The following PLTP variants were observed in gnomAD, a reference collection of about 807,000 sequenced individuals.
PLTP encodes BPI fold containing family E.
PLTP carries 43 observed loss-of-function variants against 54.1 expected under a neutral mutation model. That is an observed-to-expected ratio of 0.79 (90% CI 0.62 to 1.02). The LOEUF is 1.02. Among genes scored for constraint, PLTP ranks in the 50% least tolerant of loss-of-function variants. PLTP has a pLI of 0.00. For synonymous variants in PLTP, 263 were observed against 264.6 expected, an observed-to-expected ratio of 0.99 and a Z score of 0.06; for missense variants, 604 against 645.9, an observed-to-expected ratio of 0.94 and a Z score of 0.70.
At chr20:45,909,464 G>A in intron 5 of PLTP, 52 bp downstream of exon 5, 1 of 1,603,316 alleles carries the variant, frequency 6.2e-7, no homozygotes, top group South Asian at 1.1e-5. Context: ...GCGCTAGGCA[G>A]ATGAGCTGTG....
At chr20:45,899,900 T>G (rs1208445497) in intron 12 of PLTP, 22 bp from the exon 13 acceptor site, 2 of 1,464,122 alleles carry the variant, frequency 1.4e-6, no homozygotes, top group East Asian at 3.0e-5. Context: ...AAAGGAGCCC[T>G]GTGGGCAGGA....
In PLTP at chr20:45,899,679, G is replaced by T. The variant is rs1455944943; in HGVS notation, c.1225C>A (p.Pro409Thr). ...HSALESLALI[P>T]LQAPLKTMLQ... ...ATGGTCTTCAGAGGGGCCTGTAATG[G>T]GATCAGCTGGGAGGGGCGAGGGCGG... Residue 409 changes from proline (P) to threonine (T), a missense_variant, in exon 14 of 16, where the codon CCA becomes ACA. Physicochemically the swap from Pro to Thr is conservative, Grantham distance 38. Transcript: ENST00000372431. The T allele has an allele frequency of 2.5e-6, 4 of 1,614,048 alleles. No homozygotes were observed. In the African/African-American group the frequency reaches 4.0e-5, roughly 16 times the overall value.
In PLTP at chr20:45,899,532, G is replaced by T; in HGVS notation, c.1289C>A (p.Thr430Asn). Residue 430 changes from threonine to asparagine, a missense_variant, in exon 15 of 16, where the codon ACC becomes AAC. Physicochemically the swap from Thr to Asn is moderately conservative, Grantham distance 65 (BLOSUM62 0). Transcript: ENST00000372431. ...IGVMPMLNERTWRGVQIPLPE... is the reference protein window; with the variant it reads ...IGVMPMLNERNWRGVQIPLPE... ...TAGTGGGATCTGCACCCCACGCCAGGTCCGCTCTGTGGGTGGGAGCACCCC... is the reference window on the plus strand; with the variant it reads ...TAGTGGGATCTGCACCCCACGCCAGTTCCGCTCTGTGGGTGGGAGCACCCC... 2 of 1,614,152 alleles carry T rather than the reference G, an allele frequency of 1.2e-6. No individual in the cohort carries two copies. The highest frequency in any genetic ancestry group is 8.5e-7 in the Non-Finnish European group (1 of 1,180,022).
chr20:45,904,367 CAGG>C (rs1290279671), intron 10 of PLTP, among the ~76,000 whole-genome samples: 1 of 152,024 alleles, frequency 6.6e-6, no homozygotes, highest in East Asian at 1.9e-4. Flanking sequence ...GAGGCTGAAG[CAGG>C]AGGATGGCTT....
chr20:45,904,040 G>A (rs930106927), intron 10 of PLTP, among the ~76,000 whole-genome samples: 1 of 152,170 alleles, frequency 6.6e-6, no homozygotes, highest in Non-Finnish European at 1.5e-5. Context: ...GCACAGATAG[G>A]TTAAGTAACT....
chr20:45,902,327 CG>C lies in PLTP; in HGVS notation c.1114del (p.Arg372ValfsTer36). The C allele has an allele frequency of 6.2e-7, 1 of 1,614,176 alleles. No homozygotes were observed. Among genetic ancestry groups the C allele is most frequent in the South Asian group, 1.1e-5 (1 of 91,090 alleles). ...CCGGAGAGCCATCTTGGCGCTGAGA[CG>C]GGCGTCCTGCAGGAACATGGGGAGG... is the stretch of plus-strand genomic sequence containing the variant. ...VQLSSMTMDARLSAKMALRGK... is the reference protein window; with the variant it reads ...VQLSSMTMDAXLSAKMALRGK... On this transcript the variant is annotated frameshift_variant, in exon 12 of 16. Coordinates refer to ENST00000372431, the MANE Select transcript of PLTP (RefSeq NM_006227.4). LOFTEE classifies it high-confidence loss of function.
At chr20:45,909,903 G>A (rs1392241459) in intron 4 of PLTP, 39 bp downstream of exon 4, 6 of 1,612,438 alleles carry the variant, frequency 3.7e-6, no homozygotes, top group Non-Finnish European at 5.1e-6. Context: ...CAGCCCTCCT[G>A]ACCCACTCTC....
chr20:45,904,274 A>G (rs1245067627), intron 10 of PLTP, among the ~76,000 whole-genome samples: 1 of 152,168 alleles, frequency 6.6e-6, no homozygotes, highest in Non-Finnish European at 1.5e-5. Context: ...GGACAGCCTG[A>G]GCAACATAAT....
At position 45,906,342 on chromosome 20, in the gene PLTP, C is replaced by G. The variant is rs370983158; in HGVS notation, c.631G>C (p.Glu211Gln). The change falls in exon 8 of 16, where the codon GAG becomes CAG. Residue 211 changes from glutamate (E) to glutamine (Q), a missense_variant. By Grantham distance (29) the Glu-to-Gln change is conservative (BLOSUM62 2). Coordinates refer to ENST00000372431, the MANE Select transcript of PLTP (RefSeq NM_006227.4). ...DTVPVRSSVDELVGIDYSLMK... is the reference protein window; with the variant it reads ...DTVPVRSSVDQLVGIDYSLMK... The stretch of plus-strand genomic sequence containing the variant: ...AGGGAATAGTCAATGCCAACAAGCT[C>G]GTCCACAGAACTGCGCACTGCAGGA... 1.1e-4 allele frequency: 180 copies of G among 1,613,640 alleles called. No individual in the cohort carries two copies. Among genetic ancestry groups the G allele is most frequent in the Non-Finnish European group, 1.5e-4 (179 of 1,179,830 alleles).
intron 3 of PLTP, chr20:45,910,889 C>G (rs1428340806): frequency 7.3e-7 from 1 of 1,372,578 alleles, no homozygotes; most frequent in Admixed American, 3.0e-5. Flanking sequence ...TGTTCTTCGA[C>G]CACGCCTCAC....
Position 45,899,867 on chromosome 20 carries a change from T to G in PLTP, c.1187A>C (p.Tyr396Ser). ...CGACTCCAGTGCAGAATGGTTGGAATAGATTCGGAACCTGCGGGAAAGAAA... is the reference window on the plus strand; with the variant it reads ...CGACTCCAGTGCAGAATGGTTGGAAGAGATTCGGAACCTGCGGGAAAGAAA... The part of the protein sequence containing the change: ...TQLDLRRFRI[Y>S]SNHSALESLA... Residue 396 changes from tyrosine (Y) to serine (S), a missense_variant, in exon 13 of 16, where the codon TAT becomes TCT. Transcript: ENST00000372431. 2 of 1,494,302 alleles carry G rather than the reference T, an allele frequency of 1.3e-6. No homozygotes were observed. Among genetic ancestry groups the G allele is most frequent in the Non-Finnish European group, 8.9e-7 (1 of 1,125,888 alleles). 92.6% of individuals were successfully genotyped at this position (1,494,302 alleles called of 1,614,324 possible). A position where few individuals can be genotyped will look rare whatever the true frequency, so the allele number is the denominator to read the frequency against.
At chr20:45,899,751 G>A (rs2083160762) in intron 13 of PLTP, 66 bp from the exon 14 acceptor site, 1 of 1,607,366 alleles carries the variant, frequency 6.2e-7, no homozygotes, top group South Asian at 1.1e-5. Flanking sequence ...GCTGCCCGCA[G>A]GTGAGCAGTT....
chr20:45,907,962 C>T, intron 5 of PLTP, 58 bp from the exon 6 acceptor site: 7 of 1,447,328 alleles, frequency 4.8e-6, no homozygotes, highest in Non-Finnish European at 6.6e-6. Context: ...CAGTCCAGGT[C>T]CAGGAGAAAT....
intron 12 of PLTP, among the ~76,000 whole-genome samples, chr20:45,900,554 C>T (rs969240725): frequency 1.3e-5 from 2 of 151,772 alleles, no homozygotes; most frequent in South Asian, 2.1e-4. Flanking sequence ...TTTGAGACAG[C>T]GTCTCACTGT....
intron 15 of PLTP, 142 bp downstream of exon 15, chr20:45,899,320 G>T (rs944538396): frequency 2.2e-5 from 21 of 958,184 alleles, no homozygotes; most frequent in Non-Finnish European, 2.9e-5. Flanking sequence ...GTCACAGTGT[G>T]TGCAACGGCT....
In PLTP at chr20:45,898,795, G is replaced by C; in HGVS notation, c.*146C>G. 1.1e-6 allele frequency: 1 copy of C among 927,442 alleles called. No homozygotes were observed. Among genetic ancestry groups the C allele is most frequent in the Non-Finnish European group, 1.6e-6 (1 of 622,488 alleles). 57.5% of individuals were successfully genotyped at this position (927,442 alleles called of 1,614,324 possible). ...GGACTGTAATTGATAGATTGATTAT[G>C]GAATTAAATTGGGTACAGCTTCAAA... On this transcript the variant is annotated 3_prime_UTR_variant, in exon 16 of 16. Coordinates refer to ENST00000372431, the MANE Select transcript of PLTP (RefSeq NM_006227.4). This position sits in a 1 kb window ranked among gnomAD's most constrained non-coding sequence, Gnocchi z 4.6.
In PLTP at chr20:45,899,049, G is replaced by A. The variant is rs544187850; in HGVS notation, c.1374C>T (p.Ile458=). 5.0e-6 allele frequency: 8 copies of A among 1,614,218 alleles called. No homozygotes were observed. The East Asian group carries it at 6.7e-5, about 13-fold the overall frequency. Residue 458 remains isoleucine, a synonymous_variant, in exon 16 of 16, where the codon ATC becomes ATT. Coordinates refer to ENST00000372431, the MANE Select transcript of PLTP (RefSeq NM_006227.4). ...VVTNHAGFLT[I]GADLHFAKGL... ...CTTTGGCAAAGTGGAGATCAGCCCC[G>A]ATGGTGAGGAATCCCTGTGTTGGGG...
At chr20:45,909,818 C>G in intron 4 of PLTP, 124 bp downstream of exon 4, 1 of 1,438,296 alleles carries the variant, frequency 7.0e-7, no homozygotes, top group Non-Finnish European at 9.7e-7. Flanking sequence ...ATGCATATGC[C>G]TGTTTCTGTT....
At position 45,911,274 on chromosome 20, in the gene PLTP, A is replaced by C. The variant is rs766922627; in HGVS notation, c.101-23T>G. The C allele has an allele frequency of 3.1e-6, 5 of 1,613,278 alleles. No homozygotes were observed. The Admixed American group carries it at 8.3e-5, about 27-fold the overall frequency. ...TCACTGAAGCAGCAGAGAAACCCTTACTTAGCTCCCGTGCCCACTGTTGGG... is the reference window on the plus strand; with the variant it reads ...TCACTGAAGCAGCAGAGAAACCCTTCCTTAGCTCCCGTGCCCACTGTTGGG... On this transcript the variant is annotated intron_variant, in intron 2 of 15. Coordinates refer to ENST00000372431, the MANE Select transcript of PLTP (RefSeq NM_006227.4).
Sources: gnomAD v4.1 joint callset for allele counts (sites outside exome capture counted in the v4.1 genomes callset) on GRCh38, gnomAD v4.1.1 for gene constraint, Gnocchi (gnomAD v3.1) non-coding constraint, MANE v1.5 for transcripts, NCBI Gene and HGNC (gene_info 2026-07-23, HGNC 2026-07-21) for gene names.